ADAMTS12: variants seen among roughly 807,000 people sequenced by gnomAD.
ADAMTS12 encodes the protein A disintegrin and metalloproteinase with thrombospondin motifs 12.
A neutral mutation model predicts 167.8 loss-of-function variants in ADAMTS12; 118 were observed. The ratio of observed to expected loss-of-function variants is 0.70; its 90% CI spans 0.61 to 0.82. The LOEUF (loss-of-function observed/expected upper bound fraction) is 0.82. ADAMTS12 is among the 40% of genes least tolerant of loss of function. The pLI is 0.00. For missense variants in ADAMTS12, 1,916 were observed against 1,998.8 expected (o/e 0.96, Z 0.79); for synonymous variants, 704 against 716.9 (o/e 0.98, Z 0.29).
At chr5:33,538,581 A>G (rs1744527772) in intron 22 of ADAMTS12, among the ~76,000 whole-genome samples, 1 of 152,150 alleles carries the variant, frequency 6.6e-6, no homozygotes, top group African/African-American at 2.4e-5. Context: ...AGACTCCACC[A>G]AAGGGAGATA....
At chr5:33,549,124 G>T in intron 21 of ADAMTS12, 83 bp downstream of exon 21, 1 of 1,506,036 alleles carries the variant, frequency 6.6e-7, no homozygotes, top group Non-Finnish European at 9.0e-7. Context: ...GGTCTTCCCT[G>T]ATTTCTACAC....
chr5:33,778,539 C>CTCCCTAAGTTGTCTTCTGGTAGTT (rs1746000158), intron 2 of ADAMTS12, among the ~76,000 whole-genome samples: 1 of 148,496 alleles, frequency 6.7e-6, no homozygotes, highest in African/African-American at 2.6e-5. Context: ...GGATTAAAGA[C>CTCCCTAAGTTGTCTTCTGGTAGTT]TTAAAACCTA....
Position 33,546,061 on chromosome 5 carries a change from G to A in ADAMTS12, c.4444C>T (p.Leu1482=). The change falls in exon 22 of 24, where the codon CTG becomes TTG. Residue 1482 remains leucine (L), a splice_region_variant and synonymous_variant. Transcript: ENST00000504830. ...CCHWATGNWD[L]CSTSCGGGFQ... Reference sequence around the variant, plus strand: ...AAGTATGTATAACCAAGTCTTACCAGGTCCCAGTTCCCAGTGGCCCAGTGA... The same window carrying A: ...AAGTATGTATAACCAAGTCTTACCAAGTCCCAGTTCCCAGTGGCCCAGTGA... 1 of 1,608,302 alleles carries A rather than the reference G, an allele frequency of 6.2e-7. No homozygotes were observed. The highest frequency in any genetic ancestry group is 8.5e-7 in the Non-Finnish European group (1 of 1,178,420).
At chr5:33,528,553 AG>A (rs1241173524) in intron 23 of ADAMTS12, among the ~76,000 whole-genome samples, 1 of 152,226 alleles carries the variant, frequency 6.6e-6, no homozygotes, top group African/African-American at 2.4e-5. Flanking sequence ...TCATCTTTAC[AG>A]TGCTACTAGC....
chr5:33,873,726 C>A (rs1032000086), intron 2 of ADAMTS12, among the ~76,000 whole-genome samples: 1 of 152,086 alleles, frequency 6.6e-6, no homozygotes, highest in Admixed American at 6.5e-5. Context: ...GATAATGAAA[C>A]AGAATAGAGA....
At chr5:33,674,662 C>A (rs1162797074) in intron 5 of ADAMTS12, among the ~76,000 whole-genome samples, 2 of 152,074 alleles carry the variant, frequency 1.3e-5, no homozygotes, top group African/African-American at 4.8e-5. Flanking sequence ...CCTGCAACAC[C>A]CCAGTGCAAA....
intron 16 of ADAMTS12, among the ~76,000 whole-genome samples, chr5:33,610,934 G>T (rs890097594): frequency 6.6e-6 from 1 of 152,060 alleles, no homozygotes; most frequent in East Asian, 1.9e-4. Context: ...GGATGTGATG[G>T]TGCATGCCTG....
At chr5:33,631,283 AAGG>A (rs1257981847) in intron 12 of ADAMTS12, among the ~76,000 whole-genome samples, 1 of 152,164 alleles carries the variant, frequency 6.6e-6, no homozygotes, top group Non-Finnish European at 1.5e-5. Context: ...ACCAGCCATG[AAGG>A]ACTCCAGGCA....
intron 3 of ADAMTS12, among the ~76,000 whole-genome samples, chr5:33,709,637 T>C (rs1284421090): frequency 6.6e-6 from 1 of 151,672 alleles, no homozygotes; most frequent in Non-Finnish European, 1.5e-5. Context: ...TTCTCACTTA[T>C]AAGTGGGAGC....
chr5:33,663,772 C>A (rs1741369040), intron 5 of ADAMTS12, among the ~76,000 whole-genome samples: 1 of 152,198 alleles, frequency 6.6e-6, no homozygotes, highest in South Asian at 2.1e-4. Flanking sequence ...TCACATAAAG[C>A]ATCAACTATG....
intron 4 of ADAMTS12, 57 bp downstream of exon 4, chr5:33,683,802 G>A: frequency 3.9e-6 from 5 of 1,295,060 alleles, no homozygotes; most frequent in Non-Finnish European, 5.0e-6. Context: ...ATTTATGTAA[G>A]CATTTCTAAT....
intron 2 of ADAMTS12, among the ~76,000 whole-genome samples, chr5:33,827,314 G>A (rs1396051790): frequency 6.6e-6 from 1 of 151,702 alleles, no homozygotes; most frequent in African/African-American, 2.4e-5. Flanking sequence ...AGTCGATGGT[G>A]TCACTGGTTT....
chr5:33,876,112 T>C (rs1039035866), intron 2 of ADAMTS12, among the ~76,000 whole-genome samples: 4 of 152,176 alleles, frequency 2.6e-5, no homozygotes, highest in Non-Finnish European at 4.4e-5. Flanking sequence ...AGCTAGGATG[T>C]TGAAAACTAC....
chr5:33,658,243 G>A lies in ADAMTS12; in HGVS notation c.1131C>T (p.Asn377=). 1 of 1,613,734 alleles carries A rather than the reference G, an allele frequency of 6.2e-7. No individual in the cohort carries two copies. The highest frequency in any genetic ancestry group is 8.5e-7 in the Non-Finnish European group (1 of 1,179,718). The part of the protein sequence containing the change: ...SGMCQPHRSC[N]INEDSGLPLA... ...GAGGGAGTCCCGAATCTTCATTGAT[G>A]TTACAACTGCGGTGAGGCTGACACA... Residue 377 remains asparagine (N), a synonymous_variant, in exon 7 of 24, where the codon AAC becomes AAT. Coordinates refer to ENST00000504830, the MANE Select transcript of ADAMTS12 (RefSeq NM_030955.4).
chr5:33,636,193 G>A (rs1272713023), intron 12 of ADAMTS12, among the ~76,000 whole-genome samples: 1 of 152,128 alleles, frequency 6.6e-6, no homozygotes, highest in East Asian at 1.9e-4. Flanking sequence ...TATCTGGGAG[G>A]GGGATCCCGT....
intron 2 of ADAMTS12, among the ~76,000 whole-genome samples, chr5:33,807,894 C>A (rs1176095008): frequency 3.3e-5 from 5 of 151,220 alleles, no homozygotes; most frequent in Admixed American, 3.3e-4. Flanking sequence ...TGGGATGCAG[C>A]TAGTAAGTGT....
At chr5:33,633,437 A>G (rs776825636) in intron 12 of ADAMTS12, among the ~76,000 whole-genome samples, 2 of 151,322 alleles carry the variant, frequency 1.3e-5, no homozygotes, top group Non-Finnish European at 2.9e-5. Flanking sequence ...GAAATTATCC[A>G]GGAAATAACA....
At chr5:33,889,012 G>A (rs888022271) in intron 1 of ADAMTS12, among the ~76,000 whole-genome samples, 1 of 152,144 alleles carries the variant, frequency 6.6e-6, no homozygotes, top group African/African-American at 2.4e-5. Flanking sequence ...GAACCTAAAA[G>A]GTAATGTAGT....
At chr5:33,580,223 A>C (rs760309403) in intron 18 of ADAMTS12, among the ~76,000 whole-genome samples, 2 of 152,134 alleles carry the variant, frequency 1.3e-5, no homozygotes, top group Non-Finnish European at 2.9e-5. Context: ...AGACAGGGAA[A>C]TTTATGAAGG....
Sources: allele counts gnomAD v4.1 joint callset (sites outside exome capture counted in the v4.1 genomes callset), GRCh38; gene constraint gnomAD v4.1.1; transcripts MANE v1.5; gene names NCBI Gene and HGNC (gene_info 2026-07-23, HGNC 2026-07-21).